Variants in FER1L6 observed in about 807,000 individuals in gnomAD.
FER1L6 encodes fer-1-like protein 6.
FER1L6 carries 177 observed loss-of-function variants against 219.2 expected under a neutral mutation model. The observed-to-expected ratio is 0.81, with a 90% CI of 0.71 to 0.91. The LOEUF is 0.91. FER1L6 is among the 40% of genes least tolerant of loss of function. FER1L6 has a pLI of 0.00. For synonymous variants in FER1L6, 768 were observed against 824.3 expected (o/e 0.93, Z 1.17); for missense variants, 2,153 against 2,259.9 (o/e 0.95, Z 0.96).
In FER1L6 at chr8:124,066,432, C is replaced by T; in HGVS notation, c.3560C>T (p.Pro1187Leu). Residue 1187 changes from proline (P) to leucine (L), a missense_variant, in exon 27 of 41, where the codon CCC becomes CTC. By Grantham distance (98) the Pro-to-Leu change is moderately conservative. Transcript: ENST00000522917. ...CATTCCCTCATCCCTTGCCAGGATC[C>T]CAGGAAGCCTTCCCGGAGGTCCACT... ...EPPKDGKPKD[P>L]RKPSRRSTKR... 6.2e-7 allele frequency: 1 copy of T among 1,613,566 alleles called. No individual in the cohort carries two copies. The highest frequency in any genetic ancestry group is 8.5e-7 in the Non-Finnish European group (1 of 1,179,766).
chr8:123,948,153 A>C (rs771097612), intron 1 of FER1L6, among the ~76,000 whole-genome samples: 1 of 152,306 alleles, frequency 6.6e-6, no homozygotes, highest in South Asian at 2.1e-4. Flanking sequence ...CTATTATTTC[A>C]TTTGATATCC....
Position 123,853,454 on chromosome 8 carries a change from C to T in FER1L6, c.-8+1269C>T, listed in dbSNP as rs1816561092. Among the ~76,000 whole-genome samples the T allele has an allele frequency of 6.6e-6, 1 of 152,158 alleles. No individual in the cohort carries two copies. Among genetic ancestry groups the T allele is most frequent in the Non-Finnish European group, 1.5e-5 (1 of 68,032 alleles). On this transcript the variant is annotated intron_variant, in intron 1 of 40. Coordinates refer to ENST00000522917, the MANE Select transcript of FER1L6 (RefSeq NM_001039112.2). This position sits in a 1 kb window ranked among gnomAD's most constrained non-coding sequence, Gnocchi z 6.6. ...ATAGGCGTGAGCCACCGTACCCGGC[C>T]TAAAATAGAAGAAATCATTTTTATT...
chr8:123,924,644 G>A (rs911510344), intron 1 of FER1L6: 2 of 152,194 alleles, frequency 1.3e-5, no homozygotes, highest in African/African-American at 4.8e-5. Flanking sequence ...AGAGGATGAA[G>A]CCCTGGCACT....
At chr8:124,099,918 C>T (rs1375202348) in intron 37 of FER1L6, among the ~76,000 whole-genome samples, 2 of 152,102 alleles carry the variant, frequency 1.3e-5, no homozygotes, top group Admixed American at 1.3e-4. Flanking sequence ...GTGACTTCTG[C>T]CACTCACTCA....
chr8:123,853,063 C>G lies in FER1L6; in HGVS notation c.-8+878C>G, dbSNP rs923420555. Among the ~76,000 whole-genome samples the G allele has an allele frequency of 9.2e-5, 14 of 152,190 alleles. No individual in the cohort carries two copies. Among genetic ancestry groups the G allele is most frequent in the African/African-American group, 3.4e-4 (14 of 41,442 alleles). On this transcript the variant is annotated intron_variant, in intron 1 of 40. Transcript: ENST00000522917. The surrounding 1 kb of genome is among the most constrained non-coding windows in gnomAD (Gnocchi z 6.6). ...CTCGCTATGTTGCTCAGGTTGGTCT[C>G]AAACTCCTGGGCTCAAGCGATCCTC...
At chr8:123,990,601 C>T (rs910616607) in intron 12 of FER1L6, among the ~76,000 whole-genome samples, 1 of 152,002 alleles carries the variant, frequency 6.6e-6, no homozygotes, top group Admixed American at 6.6e-5. Context: ...TGTTTGAGTT[C>T]CTGGTATTCT....
At chr8:123,928,940 A>G (rs1047049486) in intron 1 of FER1L6, among the ~76,000 whole-genome samples, 18 of 152,150 alleles carry the variant, frequency 1.2e-4, no homozygotes, top group African/African-American at 4.3e-4. Context: ...TTTTAAGGGA[A>G]ATGGGGGTGA....
In FER1L6 at chr8:124,023,590, C is replaced by A; in HGVS notation, c.2280C>A (p.Phe760Leu). The A allele has an allele frequency of 6.2e-7, 1 of 1,614,018 alleles. No individual in the cohort carries two copies. Among genetic ancestry groups the A allele is most frequent in the Non-Finnish European group, 8.5e-7 (1 of 1,179,952 alleles). Residue 760 changes from phenylalanine to leucine, a missense_variant, in exon 18 of 41, where the codon TTC becomes TTA. Transcript: ENST00000522917. Reference sequence around the variant, plus strand: ...ACTGCGGCAAGATCAAAACTCACTTCCTCAAAGTAAGTGTGCAGTATTTTA... The same window carrying A: ...ACTGCGGCAAGATCAAAACTCACTTACTCAAAGTAAGTGTGCAGTATTTTA... ...GKHCGKIKTH[F>L]LKPPGKRPAG...
intron 1 of FER1L6, among the ~76,000 whole-genome samples, chr8:123,886,010 C>T (rs1300352574): frequency 1.3e-5 from 2 of 152,254 alleles, no homozygotes; most frequent in East Asian, 1.9e-4. Context: ...TACTTCTTCA[C>T]ATGAGTAAAC....
chr8:123,899,707 T>C (rs1050910755), intron 1 of FER1L6, among the ~76,000 whole-genome samples: 3 of 152,168 alleles, frequency 2.0e-5, no homozygotes, highest in Admixed American at 6.5e-5. Flanking sequence ...TCCAGTTTTA[T>C]TTTCCTACAT....
chr8:124,098,967 T>A (rs1393177584), intron 37 of FER1L6, among the ~76,000 whole-genome samples: 1 of 152,264 alleles, frequency 6.6e-6, no homozygotes, highest in Non-Finnish European at 1.5e-5. Context: ...TGCATTTGTC[T>A]GAGGAGCATT....
At chr8:123,931,530 C>T (rs1263387028) in intron 1 of FER1L6, among the ~76,000 whole-genome samples, 1 of 152,184 alleles carries the variant, frequency 6.6e-6, no homozygotes, top group African/African-American at 2.4e-5. Flanking sequence ...GTTAAGAAAC[C>T]CTCACAACCC....
Position 123,975,156 on chromosome 8 carries a change from A to G in FER1L6, c.533A>G (p.Gln178Arg). Residue 178 changes from glutamine (Q) to arginine (R), a missense_variant, in exon 8 of 41, where the codon CAG (glutamine) becomes CGG (arginine). Transcript: ENST00000522917. ...LGTVYNQPGH[Q>R]FCNKWALLTD... ...TGTCAGGGTGCTTTCACAGGTCATC[A>G]GTTCTGCAACAAGTGGGCCCTGCTC... 6.3e-7 allele frequency: 1 copy of G among 1,596,202 alleles called. No homozygotes were observed. The highest frequency in any genetic ancestry group is 8.5e-7 in the Non-Finnish European group (1 of 1,170,426).
At chr8:123,964,364 T>C (rs1482771739) in intron 3 of FER1L6, among the ~76,000 whole-genome samples, 2 of 152,168 alleles carry the variant, frequency 1.3e-5, no homozygotes, top group African/African-American at 2.4e-5. Flanking sequence ...TAAAACAAAT[T>C]AGTGCTTCCC....
chr8:124,088,509 GC>G (rs1463393691), intron 33 of FER1L6, among the ~76,000 whole-genome samples: 1 of 151,972 alleles, frequency 6.6e-6, no homozygotes, highest in Non-Finnish European at 1.5e-5. Context: ...CTGGGCTGGT[GC>G]CCAAGCTGCA....
chr8:123,913,316 A>G (rs1365244705), intron 1 of FER1L6, among the ~76,000 whole-genome samples: 1 of 148,732 alleles, frequency 6.7e-6, no homozygotes, highest in Admixed American at 6.8e-5. Flanking sequence ...ATTTGTTCAT[A>G]TGTTAAATAA....
At chr8:123,901,803 C>T (rs1170011604) in intron 1 of FER1L6, among the ~76,000 whole-genome samples, 1 of 151,324 alleles carries the variant, frequency 6.6e-6, no homozygotes, top group Non-Finnish European at 1.5e-5. Flanking sequence ...ATTGCAAGCT[C>T]CACCTCCCGG....
intron 12 of FER1L6, among the ~76,000 whole-genome samples, chr8:123,993,881 A>G (rs577635843): frequency 1.3e-5 from 2 of 152,194 alleles, no homozygotes; most frequent in Non-Finnish European, 2.9e-5. Context: ...GGAGTGATGT[A>G]GACTCTGTGA....
At chr8:124,119,048 C>G (rs1823371686) in intron 40 of FER1L6, 104 bp downstream of exon 40, 1 of 944,628 alleles carries the variant, frequency 1.1e-6, no homozygotes, top group East Asian at 2.6e-5. Context: ...TGTGGGAGAA[C>G]TGGGAAGCCA....
Sources: gnomAD v4.1 joint callset for allele counts (sites outside exome capture counted in the v4.1 genomes callset) on GRCh38, gnomAD v4.1.1 for gene constraint, Gnocchi (gnomAD v3.1) non-coding constraint, MANE v1.5 for transcripts, NCBI Gene and HGNC (gene_info 2026-07-23, HGNC 2026-07-21) for gene names.